Variants in ITGB3 observed in about 807,000 individuals in gnomAD.
ITGB3 encodes integrin subunit beta 3, also known as integrin beta-3.
A neutral mutation model predicts 85.8 loss-of-function variants in ITGB3; 48 were observed. That is an observed-to-expected ratio of 0.56 (90% CI 0.44 to 0.71). The LOEUF (loss-of-function observed/expected upper bound fraction) is 0.71, where lower values mean the gene tolerates loss of function less well. Ranked by LOEUF, ITGB3 falls within the 30% of genes least tolerant of loss-of-function variation. The pLI is 0.00. For missense variants in ITGB3, 861 were observed against 1,019.1 expected, an observed-to-expected ratio of 0.84 and a Z score of 2.11; for synonymous variants, 363 against 395.6, an observed-to-expected ratio of 0.92 and a Z score of 0.98.
intron 1 of ITGB3, among the ~76,000 whole-genome samples, chr17:47,259,715 C>T (rs1476699619): frequency 1.3e-5 from 2 of 152,164 alleles, no homozygotes; most frequent in Non-Finnish European, 2.9e-5. Flanking sequence ...GCCTGACCAA[C>T]ATGGAGAAAC....
chr17:47,255,629 C>T (rs2064986547), intron 1 of ITGB3, among the ~76,000 whole-genome samples: 1 of 151,870 alleles, frequency 6.6e-6, no homozygotes, highest in Non-Finnish European at 1.5e-5. Flanking sequence ...CCCATGTTGG[C>T]CAGGATGATC....
chr17:47,260,691 G>A (rs1231434551), intron 1 of ITGB3, among the ~76,000 whole-genome samples: 1 of 152,186 alleles, frequency 6.6e-6, no homozygotes, highest in East Asian at 1.9e-4. Flanking sequence ...CCCAGTGGAG[G>A]GGAGGGTGGT....
intron 1 of ITGB3, among the ~76,000 whole-genome samples, chr17:47,257,800 G>A (rs913354904): frequency 3.3e-5 from 5 of 152,150 alleles, no homozygotes; most frequent in African/African-American, 4.8e-5. Flanking sequence ...GGGAGGAGCC[G>A]TTAGAAGGGC....
Position 47,286,266 on chromosome 17 carries a change from G to T in ITGB3, c.621G>T (p.Lys207Asn). 6.2e-7 allele frequency: 1 copy of T among 1,614,108 alleles called. No homozygotes were observed. The highest frequency in any genetic ancestry group is 8.5e-7 in the Non-Finnish European group (1 of 1,180,028). ...ATCTCCCATCCCTCCCCAGTATGAAGACCACCTGCTTGCCCATGTTTGGCT... is the reference window on the plus strand; with the variant it reads ...ATCTCCCATCCCTCCCCAGTATGAATACCACCTGCTTGCCCATGTTTGGCT... ...EALENPCYDM[K>N]TTCLPMFGYK... The change falls in exon 5 of 15, where the codon AAG (lysine) becomes AAT (asparagine). Residue 207 changes from lysine to asparagine, a missense_variant. By Grantham distance (94) the Lys-to-Asn change is moderately conservative. Coordinates refer to ENST00000559488, the MANE Select transcript of ITGB3 (RefSeq NM_000212.3).
At chr17:47,277,863 C>T (rs1338976070) in intron 2 of ITGB3, among the ~76,000 whole-genome samples, 1 of 152,176 alleles carries the variant, frequency 6.6e-6, no homozygotes, top group African/African-American at 2.4e-5. Flanking sequence ...TCTGCAACTG[C>T]AGGAGCAAGA....
chr17:47,287,048 G>T (rs781395375), intron 5 of ITGB3, 22 bp from the exon 6 acceptor site: 1 of 1,612,768 alleles, frequency 6.2e-7, no homozygotes, highest in East Asian at 2.2e-5. Context: ...CTCTGCCTTT[G>T]TTTTTTGTTT....
At chr17:47,264,664 T>C (rs936312011) in intron 1 of ITGB3, among the ~76,000 whole-genome samples, 3 of 152,218 alleles carry the variant, frequency 2.0e-5, no homozygotes, top group Admixed American at 1.3e-4. Context: ...CTCTGTGCTT[T>C]TCTCTTCCTC....
At position 47,302,690 on chromosome 17, in the gene ITGB3, C is replaced by T. The variant is rs780858165; in HGVS notation, c.2015-31C>T. The T allele has an allele frequency of 9.9e-6, 16 of 1,613,684 alleles. No individual in the cohort carries two copies. The African/African-American group carries it at 1.5e-4, about 15-fold the overall frequency. ...GTCCCATCTTCCAGTAGTTGTCTCA[C>T]TTTTTATTCCTCCATTTTCCCTACT... On this transcript the variant is annotated intron_variant, in intron 12 of 14. Coordinates refer to ENST00000559488, the MANE Select transcript of ITGB3 (RefSeq NM_000212.3).
intron 13 of ITGB3, among the ~76,000 whole-genome samples, chr17:47,306,638 A>G (rs1195978491): frequency 2.0e-5 from 3 of 152,178 alleles, no homozygotes; most frequent in Non-Finnish European, 2.9e-5. Context: ...TGATTATTCA[A>G]TATTGCCAAT....
rs558309179 is a variant in ITGB3, at chr17:47,313,656, A to C, written c.*3452A>C. On this transcript the variant is annotated 3_prime_UTR_variant, in exon 15 of 15. Coordinates refer to ENST00000559488, the MANE Select transcript of ITGB3 (RefSeq NM_000212.3). ...GAGCCACTGCCCCCGGCTGTGGTTG[A>C]AATTTCTTAAGTGCCTTCCTCACTT... Among the ~76,000 whole-genome samples, 1 of 151,916 alleles carries C rather than the reference A, an allele frequency of 6.6e-6. No homozygotes were observed. Among genetic ancestry groups the C allele is most frequent in the South Asian group, 2.1e-4 (1 of 4,806 alleles).
intron 1 of ITGB3, among the ~76,000 whole-genome samples, chr17:47,258,147 C>T (rs1567758090): frequency 6.6e-6 from 1 of 152,174 alleles, no homozygotes; most frequent in Admixed American, 6.5e-5. Flanking sequence ...TGAACCGCTT[C>T]GTTTTACCCA....
Position 47,253,848 on chromosome 17 carries a change from G to A in ITGB3, c.-14G>A. ...CACTGTGGGGCGGGCGGAGCGCCGC[G>A]GGAGGCGGACGAGATGCGAGCGCGG... is the stretch of plus-strand genomic sequence containing the variant. On this transcript the variant is annotated 5_prime_UTR_variant, in exon 1 of 15. Transcript: ENST00000559488. 8.3e-7 allele frequency: 1 copy of A among 1,211,606 alleles called. No homozygotes were observed. The allele number at this position is 1,211,606 out of a possible 1,614,324, so 75.1% of individuals were successfully genotyped here.
At chr17:47,280,263 C>T (rs2065079067) in intron 2 of ITGB3, among the ~76,000 whole-genome samples, 1 of 152,140 alleles carries the variant, frequency 6.6e-6, no homozygotes, top group Non-Finnish European at 1.5e-5. Context: ...TCCCCATCCA[C>T]GTGGGGAAGG....
rs1489964393 is a variant in ITGB3, at chr17:47,253,889, C to T, written c.28C>T (p.Leu10Phe). The change falls in exon 1 of 15, where the codon CTC becomes TTC. Residue 10 changes from leucine (L) to phenylalanine (F), a missense_variant. Coordinates refer to ENST00000559488, the MANE Select transcript of ITGB3 (RefSeq NM_000212.3). MRARPRPRP[L>F]WATVLALGAL... ...GCGAGCGCGGCCGCGGCCCCGGCCGCTCTGGGCGACTGTGCTGGCGCTGGG... is the reference window on the plus strand; with the variant it reads ...GCGAGCGCGGCCGCGGCCCCGGCCGTTCTGGGCGACTGTGCTGGCGCTGGG... 5 of 1,314,058 alleles carry T rather than the reference C, an allele frequency of 3.8e-6. No individual in the cohort carries two copies. The highest frequency in any genetic ancestry group is 1.5e-5 in the African/African-American group (1 of 65,520). 81.4% of individuals were successfully genotyped at this position (1,314,058 alleles called of 1,614,324 possible). A position where few individuals can be genotyped will look rare whatever the true frequency, so the allele number is the denominator to read the frequency against.
chr17:47,267,536 CAG>C (rs1402156886), intron 1 of ITGB3, among the ~76,000 whole-genome samples: 1 of 152,070 alleles, frequency 6.6e-6, no homozygotes, highest in Non-Finnish European at 1.5e-5. Context: ...GCCTGGGTAG[CAG>C]GACTTGGTTG....
At chr17:47,283,677 G>T (rs927065466) in intron 3 of ITGB3, 128 bp downstream of exon 3, 8 of 888,594 alleles carry the variant, frequency 9.0e-6, no homozygotes, top group African/African-American at 3.3e-5. Flanking sequence ...CAAGGATGAG[G>T]GGGGAGGTGT....
chr17:47,310,092 A>G (rs2065207402), intron 14 of ITGB3, 47 bp from the exon 15 acceptor site: 2 of 1,522,620 alleles, frequency 1.3e-6, no homozygotes, highest in Non-Finnish European at 1.8e-6. Flanking sequence ...AGGGTAGGGA[A>G]GGACTTAAGG....
At chr17:47,309,643 C>T (rs1448839652) in intron 14 of ITGB3, among the ~76,000 whole-genome samples, 4 of 152,058 alleles carry the variant, frequency 2.6e-5, no homozygotes, top group African/African-American at 9.7e-5. Flanking sequence ...CCTGTAATTC[C>T]AGCACTTTGG....
At chr17:47,268,690 T>C (rs570500967) in intron 1 of ITGB3, among the ~76,000 whole-genome samples, 1 of 152,318 alleles carries the variant, frequency 6.6e-6, no homozygotes, top group Non-Finnish European at 1.5e-5. Flanking sequence ...CCCAGCCACT[T>C]TCATGGGCTG....
Sources: gnomAD v4.1 joint callset for allele counts (sites outside exome capture counted in the v4.1 genomes callset) on GRCh38, gnomAD v4.1.1 for gene constraint, MANE v1.5 for transcripts, NCBI Gene and HGNC (gene_info 2026-07-23, HGNC 2026-07-21) for gene names.